Variants in PA2G4 observed in about 807,000 individuals in gnomAD.
PA2G4 encodes the protein proliferation-associated 2G4.
A neutral mutation model predicts 53.3 loss-of-function variants in PA2G4; 8 were observed. That is an observed-to-expected ratio of 0.15 (90% CI 0.09 to 0.27). The LOEUF is 0.27. Ranked by LOEUF, PA2G4 falls within the 10% of genes least tolerant of loss-of-function variation. The pLI, the probability that PA2G4 is intolerant of heterozygous loss-of-function variation, is 1.00. For missense variants in PA2G4, 208 were observed against 486.8 expected (o/e 0.43, Z 5.39); for synonymous variants, 143 against 169.8 (o/e 0.84, Z 1.23).
intron 5 of PA2G4, 106 bp from the exon 6 acceptor site, chr12:56,109,124 C>CAAAAAA: frequency 2.6e-6 from 1 of 381,428 alleles, no homozygotes. Flanking sequence ...GACTCCATCT[C>CAAAAAA]AAAAAAAAAA....
intron 5 of PA2G4, among the ~76,000 whole-genome samples, chr12:56,108,917 G>A (rs1010020571): frequency 6.6e-6 from 1 of 151,854 alleles, no homozygotes; most frequent in Non-Finnish European, 1.5e-5. Context: ...CACGAGGTCA[G>A]GAGATCGAGA....
chr12:56,107,638 A>G lies in PA2G4; in HGVS notation c.486+25A>G, dbSNP rs878867340. On this transcript the variant is annotated intron_variant, in intron 5 of 12. Transcript: ENST00000303305. The stretch of plus-strand genomic sequence containing the variant: ...GGTAAGCTATTTTATCCAATTCCAA[A>G]GCTCGTTTGAACCAAAGATGCATTA... The G allele has an allele frequency of 7.7e-6, 12 of 1,559,474 alleles. No homozygotes were observed. In the Admixed American group the frequency reaches 1.7e-4, roughly 22 times the overall value.
chr12:56,110,442 G>T lies in PA2G4; in HGVS notation c.673G>T (p.Ala225Ser). Residue 225 changes from alanine (A) to serine (S), a missense_variant, in exon 8 of 13, where the codon GCT (alanine) becomes TCT (serine). By Grantham distance (99) the Ala-to-Ser change is moderately conservative. Transcript: ENST00000303305. ...TGAATTTGAGGTACATGAAGTATAT[G>T]CTGTGGATGTTCTCGTCAGCTCAGG... The part of the protein sequence containing the change: ...KAEFEVHEVY[A>S]VDVLVSSGEG... The T allele has an allele frequency of 6.2e-7, 1 of 1,613,036 alleles. No homozygotes were observed. Among genetic ancestry groups the T allele is most frequent in the Non-Finnish European group, 8.5e-7 (1 of 1,179,026 alleles).
At chr12:56,111,611 C>T (rs1365142592) in intron 12 of PA2G4, 82 bp downstream of exon 12, 9 of 1,255,074 alleles carry the variant, frequency 7.2e-6, no homozygotes, top group Admixed American at 5.5e-5. Context: ...TAGTGAAATA[C>T]GGATTTTTAT....
chr12:56,109,942 G>A lies in PA2G4; in HGVS notation c.629+7G>A. 1 of 1,597,406 alleles carries A rather than the reference G, an allele frequency of 6.3e-7. No individual in the cohort carries two copies. The highest frequency in any genetic ancestry group is 8.6e-7 in the Non-Finnish European group (1 of 1,164,714). On this transcript the variant is annotated splice_region_variant and intron_variant, in intron 7 of 12. Coordinates refer to ENST00000303305, the MANE Select transcript of PA2G4 (RefSeq NM_006191.3). Reference sequence around the variant, plus strand: ...ATCCCACAGACCAGCAGAAGTAGGTGCCAACCCTACTTATTACCTTCTACC... The same window carrying A: ...ATCCCACAGACCAGCAGAAGTAGGTACCAACCCTACTTATTACCTTCTACC...
At chr12:56,106,905 C>G in intron 2 of PA2G4, 85 bp from the exon 3 acceptor site, 1 of 1,316,462 alleles carries the variant, frequency 7.6e-7, no homozygotes, top group Non-Finnish European at 1.1e-6. Context: ...AAGCAAGACC[C>G]TGAAAAAATC....
chr12:56,109,711 G>C (rs1362731582), intron 6 of PA2G4, 146 bp from the exon 7 acceptor site: 7 of 645,554 alleles, frequency 1.1e-5, no homozygotes, highest in Admixed American at 2.4e-5. Context: ...CTATAACCCA[G>C]TCTAAGCCAG....
chr12:56,106,806 C>T, intron 2 of PA2G4, 90 bp downstream of exon 2: 2 of 1,478,920 alleles, frequency 1.4e-6, no homozygotes, highest in Admixed American at 2.2e-5. Flanking sequence ...GACGCAGTCC[C>T]CACCCCAGCT....
At chr12:56,110,059 TA>T in intron 7 of PA2G4, 124 bp downstream of exon 7, 9 of 749,094 alleles carry the variant, frequency 1.2e-5, no homozygotes, top group Non-Finnish European at 2.1e-5. Flanking sequence ...CTGTTGCTCT[TA>T]ATATTCCCTT....
chr12:56,110,010 A>G (rs1300571028), intron 7 of PA2G4, 75 bp downstream of exon 7: 11 of 1,005,424 alleles, frequency 1.1e-5, no homozygotes, highest in Non-Finnish European at 1.7e-5. Flanking sequence ...CTCCCAACTG[A>G]ATCTTGTCCG....
In PA2G4 at chr12:56,105,518, C is replaced by T. The variant is rs1869282166; in HGVS notation, c.88+693C>T. On this transcript the variant is annotated intron_variant, in intron 1 of 12. Coordinates refer to ENST00000303305, the MANE Select transcript of PA2G4 (RefSeq NM_006191.3). ...TTCTTGAAGTTACTCATTACTACCA[C>T]CTTTCCAATCTGTGCAGATAGTCTT... Among the ~76,000 whole-genome samples the T allele has an allele frequency of 2.0e-5, 3 of 152,246 alleles. No homozygotes were observed. The South Asian group carries it at 6.2e-4, about 31-fold the overall frequency.
rs1203609507 is a variant in PA2G4 at position 56,111,073 on chromosome 12, G to A, written c.937+15G>A. On this transcript the variant is annotated intron_variant, in intron 10 of 12. Coordinates refer to ENST00000303305, the MANE Select transcript of PA2G4 (RefSeq NM_006191.3). The stretch of plus-strand genomic sequence containing the variant: ...TGAGAAGGAGGGTGAGTTCCAAAAA[G>A]AGCTTCACTTTGGATTCCCTGATTA... The A allele has an allele frequency of 4.3e-6, 7 of 1,613,784 alleles. No individual in the cohort carries two copies. Among genetic ancestry groups the A allele is most frequent in the Non-Finnish European group, 5.1e-6 (6 of 1,179,670 alleles).
chr12:56,112,205 A>G (rs144760226), intron 12 of PA2G4, among the ~76,000 whole-genome samples: 296 of 152,338 alleles, frequency 1.9e-3, no homozygotes, highest in Middle Eastern at 6.8e-3. Flanking sequence ...CCTGGGTTCA[A>G]GTGATTGTCC....
In PA2G4 at chr12:56,112,974, A is replaced by C. The variant is rs1592236990; in HGVS notation, c.*86A>C. ...ACTCTGTGAAGTGCAGTTCTTCTCC[A>C]CCTAGGACCGCCAGCAGAGCGGGGG... On this transcript the variant is annotated 3_prime_UTR_variant, in exon 13 of 13. Coordinates refer to ENST00000303305, the MANE Select transcript of PA2G4 (RefSeq NM_006191.3). 3.4e-6 allele frequency: 3 copies of C among 873,302 alleles called. No homozygotes were observed. The highest frequency in any genetic ancestry group is 3.4e-6 in the Non-Finnish European group (2 of 581,580). 54.1% of individuals were successfully genotyped at this position (873,302 alleles called of 1,614,324 possible).
rs180997597 is a variant in PA2G4, at chr12:56,110,290, G to A, written c.630-109G>A. ...CAGGAGAGTTGCTTGGACCCGGGAG[G>A]TGGAGGTTGCAGTGAGCTGAGATTG... is the stretch of plus-strand genomic sequence containing the variant. On this transcript the variant is annotated intron_variant, in intron 7 of 12. Coordinates refer to ENST00000303305, the MANE Select transcript of PA2G4 (RefSeq NM_006191.3). 8.6e-6 allele frequency: 6 copies of A among 700,336 alleles called. No individual in the cohort carries two copies. The East Asian group carries it at 1.6e-4, about 18-fold the overall frequency. The allele number at this position is 700,336 out of a possible 1,614,324, so 43.4% of individuals were successfully genotyped here.
At chr12:56,112,276 A>T (rs1001437665) in intron 12 of PA2G4, among the ~76,000 whole-genome samples, 2 of 152,210 alleles carry the variant, frequency 1.3e-5, no homozygotes, top group African/African-American at 4.8e-5. Context: ...GATGTACCTT[A>T]ACCTACCATG....
At chr12:56,110,759 C>A in intron 9 of PA2G4, 67 bp downstream of exon 9, 1 of 1,580,416 alleles carries the variant, frequency 6.3e-7, no homozygotes. Context: ...AACACTTTTT[C>A]CTCTCCCTTC....
chr12:56,110,130 G>A (rs548358779), intron 7 of PA2G4, among the ~76,000 whole-genome samples, 195 bp downstream of exon 7: 1 of 152,080 alleles, frequency 6.6e-6, no homozygotes, highest in Non-Finnish European at 1.5e-5. Context: ...AGGCTGAGGC[G>A]GGTGGATCAC....
At chr12:56,110,209 A>C (rs1869390818) in intron 7 of PA2G4, among the ~76,000 whole-genome samples, 190 bp from the exon 8 acceptor site, 1 of 151,848 alleles carries the variant, frequency 6.6e-6, no homozygotes, top group African/African-American at 2.4e-5. Flanking sequence ...AAACTACAAA[A>C]ATGAGCCAGG....
Sources: gnomAD v4.1 joint callset for allele counts (sites outside exome capture counted in the v4.1 genomes callset) on GRCh38, gnomAD v4.1.1 for gene constraint, MANE v1.5 for transcripts, NCBI Gene and HGNC (gene_info 2026-07-23, HGNC 2026-07-21) for gene names.